Variants in AOPEP observed in about 807,000 individuals in gnomAD.
AOPEP encodes the protein aminopeptidase O (putative).
A neutral mutation model predicts 98.1 loss-of-function variants in AOPEP; 77 were observed. The ratio of observed to expected loss-of-function variants is 0.78; its 90% CI spans 0.65 to 0.95. The LOEUF is 0.95. Among genes scored for constraint, AOPEP ranks in the 40% least tolerant of loss-of-function variants. AOPEP has a pLI of 0.00. For synonymous variants in AOPEP, 346 were observed against 365.3 expected (o/e 0.95, Z 0.60); for missense variants, 1,024 against 1,024.7 (o/e 1.00, Z 0.01).
intron 9 of AOPEP, among the ~76,000 whole-genome samples, chr9:94,962,893 G>A (rs907575909): frequency 2.2e-4 from 33 of 152,046 alleles, no homozygotes; most frequent in Middle Eastern, 3.4e-3. Context: ...ACAGGCACCC[G>A]CCACCACGCC....
chr9:94,978,911 G>A (rs2060009636), intron 10 of AOPEP, among the ~76,000 whole-genome samples: 2 of 152,070 alleles, frequency 1.3e-5, no homozygotes, highest in African/African-American at 4.8e-5. Flanking sequence ...TCTGTGGTCT[G>A]ATAGTGATTT....
the AOPEP span, among the ~76,000 whole-genome samples, chr9:95,104,126 G>T: frequency 9.7e-3 from 1,472 of 152,340 alleles, 30 homozygotes; most frequent in African/African-American, 0.033. Flanking sequence ...GCTGTCGGCA[G>T]AGGAACTGAC....
chr9:94,832,302 A>G (rs1856147606), intron 5 of AOPEP, among the ~76,000 whole-genome samples: 1 of 152,254 alleles, frequency 6.6e-6, no homozygotes, highest in Admixed American at 6.5e-5. Context: ...TGTCTCTTAA[A>G]TTTATGAAAA....
rs1302283323 is a variant in AOPEP, at chr9:94,838,213, A to G, written c.1364+37211A>G. Among the ~76,000 whole-genome samples, 3 of 152,080 alleles carry G rather than the reference A, an allele frequency of 2.0e-5. No individual in the cohort carries two copies. The South Asian group carries it at 6.2e-4, about 31-fold the overall frequency. ...TTTAGTAGAGATGGGGTTTCACTGC[A>G]TTAGCCAGGCTGGTCTTGATCTCCT... On this transcript the variant is annotated intron_variant, in intron 5 of 16. Transcript: ENST00000375315.
intron 11 of AOPEP, among the ~76,000 whole-genome samples, chr9:94,984,573 T>TA (rs1482171851): frequency 3.9e-5 from 6 of 152,216 alleles, no homozygotes; most frequent in African/African-American, 1.4e-4. Context: ...TCAATGTTTT[T>TA]AAAAATATTG....
At chr9:95,105,240 T>C in the AOPEP span, among the ~76,000 whole-genome samples, 28 of 152,310 alleles carry the variant, frequency 1.8e-4, no homozygotes. Flanking sequence ...GCCCTGGTTC[T>C]TGGCAGGTGG....
At chr9:94,787,451 A>G (rs1844681474) in intron 3 of AOPEP, among the ~76,000 whole-genome samples, 1 of 152,182 alleles carries the variant, frequency 6.6e-6, no homozygotes, top group South Asian at 2.1e-4. Flanking sequence ...TGCTGTTTCC[A>G]CAAGTATCAT....
intron 1 of AOPEP, among the ~76,000 whole-genome samples, chr9:94,728,232 C>T (rs146357727): frequency 8.0e-4 from 104 of 130,454 alleles, no homozygotes; most frequent in African/African-American, 2.7e-3. Context: ...TTCCTGCGTG[C>T]GCGCATGCAC....
intron 2 of AOPEP, among the ~76,000 whole-genome samples, chr9:94,766,439 A>T (rs1839635552): frequency 6.6e-6 from 1 of 152,202 alleles, no homozygotes; most frequent in South Asian, 2.1e-4. Flanking sequence ...TGGGAGGCTG[A>T]GGCAGGGGAA....
chr9:94,895,240 A>T (rs1377474190), intron 5 of AOPEP, among the ~76,000 whole-genome samples: 3 of 21,028 alleles, frequency 1.4e-4, no homozygotes, highest in African/African-American at 3.3e-4. Flanking sequence ...AAAATAAAAT[A>T]AAAAAAAAAA....
chr9:95,088,860 T>C (rs1185886933), downstream of AOPEP, among the ~76,000 whole-genome samples: 1 of 152,152 alleles, frequency 6.6e-6, no homozygotes, highest in African/African-American at 2.4e-5. Flanking sequence ...ATCTGGCCAG[T>C]GGGTGGCATA....
chr9:94,847,983 G>A (rs879520192), intron 5 of AOPEP, among the ~76,000 whole-genome samples: 1 of 152,150 alleles, frequency 6.6e-6, no homozygotes, highest in Admixed American at 6.5e-5. Context: ...TATCACTTAG[G>A]CTTTAATGTT....
In AOPEP at chr9:94,833,235, CTTTTTTTTT is replaced by C. The variant is rs34212567; in HGVS notation, c.1364+32246_1364+32254del. Among the ~76,000 whole-genome samples, 375 of 70,320 alleles carry C rather than the reference CTTTTTTTTT, an allele frequency of 5.3e-3. 3 individuals carry two copies. Among genetic ancestry groups the C allele is most frequent in the Middle Eastern group, 0.042 (2 of 48 alleles). 46.1% of individuals were successfully genotyped at this position (70,320 alleles called of 152,430 possible). On this transcript the variant is annotated intron_variant, in intron 5 of 16. Coordinates refer to ENST00000375315, the MANE Select transcript of AOPEP (RefSeq NM_001193329.3). ...ACAAGCATGAGCCACCACACCCGTC[CTTTTTTTTT>C]TTTTTTTTTTTTGAGATGGAGTTTT... is the stretch of plus-strand genomic sequence containing the variant.
intron 6 of AOPEP, among the ~76,000 whole-genome samples, chr9:94,925,944 TACAAGAAATACC>T (rs1310545452): frequency 6.6e-6 from 1 of 152,244 alleles, no homozygotes; most frequent in Admixed American, 6.5e-5. Flanking sequence ...GTGGAGAATG[TACAAGAAATACC>T]TGTTCCCTTC....
At chr9:94,733,336 G>C (rs1409710925) in intron 1 of AOPEP, among the ~76,000 whole-genome samples, 1 of 151,964 alleles carries the variant, frequency 6.6e-6, no homozygotes, top group Admixed American at 6.6e-5. Context: ...TTGAACCCTT[G>C]GGCTCCAGTG....
chr9:95,150,038 T>C, the AOPEP span: 1 of 1,614,042 alleles, frequency 6.2e-7, no homozygotes, highest in Admixed American at 1.7e-5. Context: ...GTCAGGGTAA[T>C]AAGTGGGACA....
the AOPEP span, chr9:95,114,599 T>C: frequency 2.1e-5 from 34 of 1,587,184 alleles, no homozygotes; most frequent in Middle Eastern, 5.0e-4. Context: ...ATGTGTGAAG[T>C]AGATTTGGGA....
intron 5 of AOPEP, among the ~76,000 whole-genome samples, chr9:94,916,882 A>G (rs2052907529): frequency 1.3e-5 from 2 of 152,194 alleles, no homozygotes; most frequent in Non-Finnish European, 2.9e-5. Context: ...TTTTGTTCTC[A>G]TCTATGAGAT....
At chr9:94,798,523 G>C (rs918813874) in intron 4 of AOPEP, among the ~76,000 whole-genome samples, 1 of 152,008 alleles carries the variant, frequency 6.6e-6, no homozygotes, top group Non-Finnish European at 1.5e-5. Context: ...CTAACTTTAG[G>C]GTTCTTGGCA....
Sources: allele counts gnomAD v4.1 joint callset (sites outside exome capture counted in the v4.1 genomes callset), GRCh38; gene constraint gnomAD v4.1.1; transcripts MANE v1.5; gene names NCBI Gene and HGNC (gene_info 2026-07-23, HGNC 2026-07-21).